The following USP36 variants were observed in gnomAD, a reference collection of about 807,000 sequenced individuals.
USP36 encodes the protein ubiquitin carboxyl-terminal hydrolase 36.
A neutral mutation model predicts 111.5 loss-of-function variants in USP36; 59 were observed. That is an observed-to-expected ratio of 0.53 (90% CI 0.43 to 0.66). The LOEUF (loss-of-function observed/expected upper bound fraction) is 0.66, where lower values mean the gene tolerates loss of function less well. USP36 is among the 30% of genes least tolerant of loss of function. The pLI is 0.00. For missense variants in USP36, 1,488 were observed against 1,468.0 expected (o/e 1.01, Z -0.22); for synonymous variants, 628 against 581.0 (o/e 1.08, Z -1.16).
chr17:78,817,787 A>G (rs1014888154), intron 10 of USP36, among the ~76,000 whole-genome samples: 1 of 152,154 alleles, frequency 6.6e-6, no homozygotes, highest in Middle Eastern at 3.4e-3. Context: ...CTTCTATGAA[A>G]ATGCCACTAT....
In USP36 at chr17:78,807,202, G is replaced by GA; in HGVS notation, c.1841_1842insT (p.Glu616ArgfsTer46). 1 of 1,614,072 alleles carries GA rather than the reference G, an allele frequency of 6.2e-7. No individual in the cohort carries two copies. The highest frequency in any genetic ancestry group is 8.5e-7 in the Non-Finnish European group (1 of 1,179,996). ...AGTCGCTGCTGGCCGAGTGCTCTGG[G>GA]CTGGAGCTGCTGGAGCCCCTCCTGT... On this transcript the variant is annotated frameshift_variant, in exon 14 of 21. Transcript: ENST00000449938. LOFTEE classifies it high-confidence loss of function.
At chr17:78,831,140 C>T (rs903609318) in intron 4 of USP36, among the ~76,000 whole-genome samples, 5 of 138,526 alleles carry the variant, frequency 3.6e-5, no homozygotes, top group South Asian at 2.4e-4. Flanking sequence ...CCAGGAGAAT[C>T]GCTTGAACCT....
chr17:78,790,711 T>TA (rs1210544721), downstream of USP36, among the ~76,000 whole-genome samples: 7 of 152,242 alleles, frequency 4.6e-5, no homozygotes, highest in East Asian at 7.7e-4. Context: ...AAAATGGCCT[T>TA]AAAAAAATCA....
intron 6 of USP36, among the ~76,000 whole-genome samples, chr17:78,824,491 C>T (rs1180554773): frequency 2.6e-5 from 4 of 152,086 alleles, no homozygotes; most frequent in South Asian, 2.1e-4. Flanking sequence ...CTGCCGTGAG[C>T]GGAGATTGCA....
intron 17 of USP36, among the ~76,000 whole-genome samples, chr17:78,800,241 G>C (rs533477210): frequency 6.6e-6 from 1 of 152,114 alleles, no homozygotes; most frequent in Admixed American, 6.5e-5. Flanking sequence ...CCTCACCTAC[G>C]GGAGAGGCCC....
intron 7 of USP36, 127 bp from the exon 8 acceptor site, chr17:78,821,188 C>T: frequency 2.5e-6 from 2 of 806,558 alleles, no homozygotes; most frequent in Non-Finnish European, 3.8e-6. Context: ...TTCCCACTAG[C>T]CCCTGAAGCA....
At chr17:78,788,442 C>T (rs1296820247) in intron 3 of USP36, among the ~76,000 whole-genome samples, 1 of 152,136 alleles carries the variant, frequency 6.6e-6, no homozygotes, top group Non-Finnish European at 1.5e-5. Flanking sequence ...GGATTACAGG[C>T]GTGAGCCACC....
intron 17 of USP36, among the ~76,000 whole-genome samples, chr17:78,800,661 A>G (rs2093718239): frequency 6.6e-6 from 1 of 152,188 alleles, no homozygotes; most frequent in Admixed American, 6.5e-5. Flanking sequence ...CCTGCTCCCA[A>G]CGTGCTGCGC....
At chr17:78,839,981 G>A (rs533778992) in intron 1 of USP36, among the ~76,000 whole-genome samples, 1 of 152,354 alleles carries the variant, frequency 6.6e-6, no homozygotes, top group South Asian at 2.1e-4. Context: ...AACTGCAACG[G>A]ACGCTCGCAG....
At chr17:78,794,442 G>C (rs1389218356), downstream of USP36, among the ~76,000 whole-genome samples, 2 of 152,128 alleles carry the variant, frequency 1.3e-5, no homozygotes, top group South Asian at 4.1e-4. Context: ...CTCACCCCAC[G>C]GTGCTTCAGG....
rs1056024122 is a variant in USP36, at chr17:78,799,734, T to C, written c.3057A>G (p.Gly1019=). ...LSQAPPVSWN[G]ERESDVVQEL... ...CCTGGACCACATCAGACTCCCGCTC[T>C]CCATTCCAAGACACAGGAGGGGCCT... The change falls in exon 18 of 21, where the codon GGA becomes GGG. Residue 1019 remains glycine, a synonymous_variant. Transcript: ENST00000449938. The C allele has an allele frequency of 3.1e-6, 5 of 1,611,784 alleles. No homozygotes were observed. The highest frequency in any genetic ancestry group is 4.2e-6 in the Non-Finnish European group (5 of 1,179,192).
chr17:78,821,283 C>T, intron 7 of USP36: 1 of 469,406 alleles, frequency 2.1e-6, no homozygotes, highest in Non-Finnish European at 3.9e-6. Context: ...CAGGGCCCTC[C>T]CTGCCTGGAC....
intron 3 of USP36, 88 bp from the exon 4 acceptor site, chr17:78,835,589 C>T: frequency 3.2e-6 from 4 of 1,268,626 alleles, no homozygotes; most frequent in African/African-American, 3.0e-5. Context: ...GAAGCATACA[C>T]TTAGCATGCA....
chr17:78,836,233 G>A lies in USP36; in HGVS notation c.131C>T (p.Pro44Leu). The A allele has an allele frequency of 6.2e-7, 1 of 1,614,140 alleles. No individual in the cohort carries two copies. Among genetic ancestry groups the A allele is most frequent in the Non-Finnish European group, 8.5e-7 (1 of 1,180,024 alleles). ...KVLLQKIEFE[P>L]ASKSFSYQLE... Reference sequence around the variant, plus strand: ...CTGGTAGGAGAAGCTCTTGCTGGCTGGCTCGAACTCGATTTTCTGTAAAAG... The same window carrying A: ...CTGGTAGGAGAAGCTCTTGCTGGCTAGCTCGAACTCGATTTTCTGTAAAAG... The change falls in exon 3 of 21, where the codon CCA becomes CTA. Residue 44 changes from proline to leucine, a missense_variant. By Grantham distance (98) the Pro-to-Leu change is moderately conservative (BLOSUM62 -3). Coordinates refer to ENST00000449938, the MANE Select transcript of USP36 (RefSeq NM_001385174.1).
rs112248406 is a variant in USP36 at position 78,788,542 on chromosome 17, G to A, written c.*21-884C>T. ...AGCTGGTTGGTGGGGCAGTGGGGGT[G>A]CCCAGCTTCCAGAAGGTGCAAGCTG... On this transcript the variant is annotated intron_variant, in intron 3 of 3. Transcript: ENST00000588130. 2.1e-3 allele frequency among the ~76,000 whole-genome samples: 322 copies of A among 152,040 alleles called. 1 individual carries two copies. The highest frequency in any genetic ancestry group is 7.4e-3 in the African/African-American group (307 of 41,372).
chr17:78,798,532 A>C lies in USP36; in HGVS notation c.3260T>G (p.Phe1087Cys), dbSNP rs768574640. The change falls in exon 20 of 21, where the codon TTT becomes TGT. Residue 1087 changes from phenylalanine (F) to cysteine (C), a missense_variant. By Grantham distance (205) the Phe-to-Cys change is radical (BLOSUM62 -2). This residue lies in a region of USP36 where 1,073 missense variants were observed against 994.1 expected (regional missense o/e 1.08). Coordinates refer to ENST00000449938, the MANE Select transcript of USP36 (RefSeq NM_001385174.1). The surrounding 1 kb of genome is among the most constrained non-coding windows in gnomAD (Gnocchi z 5.1). ...GAAGTTTCTCCTCTTCTCTCTCTTA[A>C]ATTTTTTAATTTTCTTTTCCTAGAC... ...DRGKEKKIKK[F>C]KREKRRNFNA... 2.9e-5 allele frequency: 47 copies of C among 1,613,778 alleles called. No homozygotes were observed. Among genetic ancestry groups the C allele is most frequent in the Non-Finnish European group, 3.5e-5 (41 of 1,179,982 alleles).
intron 17 of USP36, among the ~76,000 whole-genome samples, chr17:78,800,993 T>C (rs1335580691): frequency 1.0e-5 from 1 of 98,760 alleles, no homozygotes; most frequent in Non-Finnish European, 2.2e-5. Context: ...TTTTTTTTTT[T>C]TGAGACGGAG....
intron 5 of USP36, 77 bp downstream of exon 5, chr17:78,828,820 C>A: frequency 7.1e-7 from 1 of 1,415,574 alleles, no homozygotes; most frequent in Non-Finnish European, 9.7e-7. Flanking sequence ...GCCTGGGCAA[C>A]ATAGCGAGAA....
At position 78,795,850 on chromosome 17, in the gene USP36, TC is replaced by T. The variant is rs1374713837; in HGVS notation, c.*2049del. 1.3e-5 allele frequency: 2 copies of T among 152,160 alleles called. No homozygotes were observed. The highest frequency in any genetic ancestry group is 2.9e-5 in the Non-Finnish European group (2 of 68,048). The allele number at this position is 152,160 out of a possible 1,614,324, so 9.4% of individuals were successfully genotyped here. A position where few individuals can be genotyped will look rare whatever the true frequency, so the allele number is the denominator to read the frequency against. Reference sequence around the variant, plus strand: ...GTACACAGGCCCCACTCCCTCCAGCTCCATTCCCAAGCACAAAATTCAACAG... The same window carrying T: ...GTACACAGGCCCCACTCCCTCCAGCTCATTCCCAAGCACAAAATTCAACAG... On this transcript the variant is annotated 3_prime_UTR_variant, in exon 21 of 21. Coordinates refer to ENST00000449938, the MANE Select transcript of USP36 (RefSeq NM_001385174.1). This position sits in a 1 kb window ranked among gnomAD's most constrained non-coding sequence, Gnocchi z 4.5.
Sources: allele counts gnomAD v4.1 joint callset (sites outside exome capture counted in the v4.1 genomes callset), GRCh38; gene constraint gnomAD v4.1.1; regional missense constraint gnomAD v4.1.1; non-coding constraint Gnocchi (gnomAD v3.1); transcripts MANE v1.5; gene names NCBI Gene and HGNC (gene_info 2026-07-23, HGNC 2026-07-21).